GRID1: variants seen among roughly 807,000 people sequenced by gnomAD.
GRID1 encodes the protein glutamate ionotropic receptor delta type subunit 1, also known as glutamate receptor ionotropic, delta-1.
GRID1 carries 28 observed loss-of-function variants against 98.0 expected under a neutral mutation model. The ratio of observed to expected loss-of-function variants is 0.29; its 90% confidence interval spans 0.21 to 0.39. The LOEUF is 0.39. Ranked by LOEUF, GRID1 falls within the 10% of genes least tolerant of loss-of-function variation. The probability of loss-of-function intolerance (pLI) is 1.00; values close to 1 mark genes in which losing one functional copy is unlikely to be tolerated. For synonymous variants in GRID1, 553 were observed against 538.5 expected, an observed-to-expected ratio of 1.03 and a Z score of -0.37; for missense variants, 1,111 against 1,340.5, an observed-to-expected ratio of 0.83 and a Z score of 2.67.
At chr10:85,693,381 G>A (rs1347700243) in intron 12 of GRID1, among the ~76,000 whole-genome samples, 1 of 152,092 alleles carries the variant, frequency 6.6e-6, no homozygotes, top group East Asian at 1.9e-4. Flanking sequence ...ATACCATAAA[G>A]ATGGATATAT....
intron 4 of GRID1, among the ~76,000 whole-genome samples, chr10:85,927,337 C>T (rs189243289): frequency 1.3e-5 from 2 of 152,248 alleles, no homozygotes; most frequent in East Asian, 1.9e-4. Context: ...GCTTAATACC[C>T]GAGGTGGGAG....
chr10:86,210,998 T>C (rs1846099859), intron 2 of GRID1, among the ~76,000 whole-genome samples: 1 of 152,204 alleles, frequency 6.6e-6, no homozygotes, highest in Non-Finnish European at 1.5e-5. Context: ...GCTGGGACTG[T>C]GGGTGAGGGC....
At chr10:85,633,549 G>C (rs190888711) in intron 13 of GRID1, among the ~76,000 whole-genome samples, 1 of 152,182 alleles carries the variant, frequency 6.6e-6, no homozygotes, top group Admixed American at 6.5e-5. Flanking sequence ...CTGGCAACAC[G>C]AACTGTGCTG....
rs150547267 is a variant in GRID1 at position 86,124,305 on chromosome 10, C to T, written c.726+14514G>A. Among the ~76,000 whole-genome samples the T allele has an allele frequency of 1.6e-3, 240 of 152,278 alleles. 1 individual carries two copies. The highest frequency in any genetic ancestry group is 5.6e-3 in the African/African-American group (233 of 41,568). The stretch of plus-strand genomic sequence containing the variant: ...CCAGTGCTTTGATCTTGGACACCTC[C>T]CCAATGTCACCTGCCACCACTCTCC... On this transcript the variant is annotated intron_variant, in intron 4 of 15. Transcript: ENST00000327946.
intron 12 of GRID1, among the ~76,000 whole-genome samples, chr10:85,662,594 C>G (rs1590179863): frequency 6.6e-6 from 1 of 152,210 alleles, no homozygotes; most frequent in South Asian, 2.1e-4. Flanking sequence ...GCTCCCTTCT[C>G]CTTCCAAACC....
At chr10:85,668,061 G>T (rs1297205615) in intron 12 of GRID1, among the ~76,000 whole-genome samples, 1 of 152,148 alleles carries the variant, frequency 6.6e-6, no homozygotes, top group African/African-American at 2.4e-5. Context: ...GTGTACTGTG[G>T]CTGTTGTTAT....
intron 4 of GRID1, among the ~76,000 whole-genome samples, chr10:86,053,911 C>T (rs1843538972): frequency 6.6e-6 from 1 of 152,224 alleles, no homozygotes; most frequent in Non-Finnish European, 1.5e-5. Context: ...CGTTTACACA[C>T]ATACACAAGC....
At chr10:86,360,869 G>A (rs4934190) in intron 2 of GRID1, among the ~76,000 whole-genome samples, 146,072 of 152,254 alleles carry the variant, frequency 0.96, 70,199 homozygotes, top group East Asian at 1. Flanking sequence ...AGCTCCACCA[G>A]GCTCTTATCA....
chr10:85,877,197 A>C (rs1284001868), intron 5 of GRID1, among the ~76,000 whole-genome samples: 2 of 152,218 alleles, frequency 1.3e-5, no homozygotes, highest in African/African-American at 4.8e-5. Context: ...ACAAACAAAA[A>C]CACAGCAGTA....
At chr10:85,640,364 C>T (rs573560402) in intron 13 of GRID1, among the ~76,000 whole-genome samples, 2 of 152,244 alleles carry the variant, frequency 1.3e-5, no homozygotes, top group African/African-American at 4.8e-5. Flanking sequence ...ATCATGGCTA[C>T]AAGGGCTCTT....
At chr10:85,930,394 A>ATATAT (rs902420861) in intron 4 of GRID1, among the ~76,000 whole-genome samples, 11 of 150,132 alleles carry the variant, frequency 7.3e-5, no homozygotes, top group African/African-American at 2.4e-4. Flanking sequence ...ATTTGTAGTT[A>ATATAT]TATATTATAT....
At chr10:85,999,931 A>G (rs1167049684) in intron 4 of GRID1, among the ~76,000 whole-genome samples, 1 of 152,234 alleles carries the variant, frequency 6.6e-6, no homozygotes. Context: ...AGATGTTCAC[A>G]CTCACCATTC....
intron 4 of GRID1, among the ~76,000 whole-genome samples, chr10:86,077,409 C>T (rs1015256830): frequency 6.6e-6 from 1 of 152,178 alleles, no homozygotes; most frequent in Admixed American, 6.5e-5. Context: ...TGCCTGAACA[C>T]ACCCTGCAGT....
intron 5 of GRID1, among the ~76,000 whole-genome samples, chr10:85,914,776 C>A (rs1564625441): frequency 6.6e-6 from 1 of 152,142 alleles, no homozygotes; most frequent in Non-Finnish European, 1.5e-5. Context: ...ACATAATAAA[C>A]CTGCATCTTC....
At chr10:86,180,423 C>T (rs1249832056) in intron 3 of GRID1, among the ~76,000 whole-genome samples, 1 of 152,140 alleles carries the variant, frequency 6.6e-6, no homozygotes, top group Non-Finnish European at 1.5e-5. Flanking sequence ...AGAGGTTGTC[C>T]TCAGAGTGCC....
intron 2 of GRID1, among the ~76,000 whole-genome samples, chr10:86,260,474 T>C (rs1846999051): frequency 6.6e-6 from 1 of 152,180 alleles, no homozygotes; most frequent in African/African-American, 2.4e-5. Context: ...GTCTTCCTGG[T>C]TGGAGCTTCA....
intron 4 of GRID1, among the ~76,000 whole-genome samples, chr10:86,076,067 A>C (rs963402476): frequency 2.0e-5 from 3 of 152,220 alleles, no homozygotes; most frequent in Non-Finnish European, 4.4e-5. Context: ...ATCTAAATCA[A>C]ATGGCCCCTA....
chr10:86,174,082 G>A (rs1340371712), intron 3 of GRID1, among the ~76,000 whole-genome samples: 1 of 152,080 alleles, frequency 6.6e-6, no homozygotes, highest in African/African-American at 2.4e-5. Flanking sequence ...AGTCCTTTGG[G>A]TATATACCCA....
intron 4 of GRID1, among the ~76,000 whole-genome samples, chr10:86,063,947 G>A (rs1040898988): frequency 9.2e-5 from 14 of 152,090 alleles, no homozygotes; most frequent in African/African-American, 3.1e-4. Flanking sequence ...ACAAACCAAC[G>A]CTATTTACTA....
Sources: allele counts gnomAD v4.1 joint callset (sites outside exome capture counted in the v4.1 genomes callset), GRCh38; gene constraint gnomAD v4.1.1; transcripts MANE v1.5; gene names NCBI Gene and HGNC (gene_info 2026-07-23, HGNC 2026-07-21).